SOX5: variants seen among roughly 807,000 people sequenced by gnomAD.
The protein encoded by SOX5 is transcription factor SOX-5.
Under a neutral mutation model 92.0 loss-of-function variants are expected in SOX5, and 9 were observed. The ratio of observed to expected loss-of-function variants is 0.10; its 90% CI spans 0.06 to 0.17. The LOEUF is 0.17. Ranked by LOEUF, SOX5 falls within the 10% of genes least tolerant of loss-of-function variation. The pLI is 1.00. For missense variants in SOX5, 642 were observed against 944.5 expected (o/e 0.68, Z 4.20); for synonymous variants, 344 against 336.3 (o/e 1.02, Z -0.25).
intron 4 of SOX5, among the ~76,000 whole-genome samples, chr12:24,053,822 G>T (rs1015326048): frequency 1.3e-5 from 2 of 152,050 alleles, no homozygotes; most frequent in Admixed American, 6.5e-5. Context: ...GGCAAACTTT[G>T]TACTAGGTAC....
At position 24,005,184 on chromosome 12, in the gene SOX5, T is replaced by TAA. The variant is rs569552268; in HGVS notation, c.-1-109162_-1-109161dup. ...AGGTAGCACAGCTCTATAAACTTAC[T>TAA]AAAAAAAAAAAAATCACTGAATTGT... On this transcript the variant is annotated intron_variant, in intron 4 of 4. Coordinates refer to the SOX5 transcript ENST00000446891. Among the ~76,000 whole-genome samples, 704 of 140,248 alleles carry TAA rather than the reference T, an allele frequency of 5.0e-3. 7 individuals are homozygous for TAA. Among genetic ancestry groups the TAA allele is most frequent in the African/African-American group, 0.017 (672 of 38,472 alleles). 92.0% of individuals were successfully genotyped at this position (140,248 alleles called of 152,430 possible).
intron 4 of SOX5, among the ~76,000 whole-genome samples, chr12:24,159,052 G>A (rs1952488303): frequency 6.6e-6 from 1 of 151,908 alleles, no homozygotes; most frequent in African/African-American, 2.4e-5. Context: ...GGAGTGATAT[G>A]ATGTGTGTTG....
intron 4 of SOX5, among the ~76,000 whole-genome samples, chr12:23,983,522 A>G (rs994452926): frequency 1.3e-5 from 2 of 152,196 alleles, no homozygotes; most frequent in African/African-American, 4.8e-5. Context: ...CTGTAAAATT[A>G]GTGAGTGGTT....
chr12:23,887,915 A>G (rs61909997), intron 2 of SOX5, among the ~76,000 whole-genome samples: 9,814 of 79,554 alleles, frequency 0.12, 416 homozygotes, highest in East Asian at 0.24. Context: ...TCCAGTGTGT[A>G]TATGTGTGTG....
intron 4 of SOX5, among the ~76,000 whole-genome samples, chr12:24,095,985 G>T (rs550787514): frequency 6.6e-6 from 1 of 152,154 alleles, no homozygotes; most frequent in Non-Finnish European, 1.5e-5. Flanking sequence ...ACAGCAATAT[G>T]AAAATGGACT....
At chr12:23,947,883 C>A (rs1304343667) in intron 1 of SOX5, among the ~76,000 whole-genome samples, 2 of 151,960 alleles carry the variant, frequency 1.3e-5, no homozygotes, top group African/African-American at 4.8e-5. Context: ...ATGTAACTAC[C>A]TTTTTATAAG....
chr12:24,311,742 G>T (rs112685945), intron 2 of SOX5, among the ~76,000 whole-genome samples: 1 of 152,140 alleles, frequency 6.6e-6, no homozygotes, highest in African/African-American at 2.4e-5. Flanking sequence ...AGCTGAAAAG[G>T]TTCCCATCAG....
chr12:24,276,835 A>C (rs567400831), intron 3 of SOX5, among the ~76,000 whole-genome samples: 6 of 152,184 alleles, frequency 3.9e-5, no homozygotes, highest in Non-Finnish European at 8.8e-5. Context: ...TATGTGACCT[A>C]TCCATTGCAA....
At chr12:24,132,285 C>G (rs1225466000) in intron 4 of SOX5, among the ~76,000 whole-genome samples, 1 of 152,138 alleles carries the variant, frequency 6.6e-6, no homozygotes, top group African/African-American at 2.4e-5. Context: ...CTGTGTGCAA[C>G]TGGTAAGTAA....
chr12:24,366,904 CAG>C (rs1052882058), intron 2 of SOX5, among the ~76,000 whole-genome samples: 4 of 149,492 alleles, frequency 2.7e-5, no homozygotes, highest in African/African-American at 9.9e-5. Flanking sequence ...GAGAAAAAGA[CAG>C]AGAGAAAGCA....
At chr12:24,031,381 A>T (rs1299207425) in intron 4 of SOX5, among the ~76,000 whole-genome samples, 1 of 151,820 alleles carries the variant, frequency 6.6e-6, no homozygotes, top group African/African-American at 2.4e-5. Flanking sequence ...CATTAAAAAA[A>T]GAAAATCCTA....
intron 2 of SOX5, among the ~76,000 whole-genome samples, chr12:24,333,335 A>C (rs1951538936): frequency 6.6e-6 from 1 of 152,056 alleles, no homozygotes; most frequent in African/African-American, 2.4e-5. Flanking sequence ...TCAATATGTA[A>C]AACAGATTAA....
chr12:24,137,353 C>T lies in SOX5; in HGVS notation c.-2+75990G>A, dbSNP rs538855564. ...GCTGAGCTGTGAAACTCTTTCTAGG[C>T]CAGGCAGGGTGGCTCAGGCCTGTAA... On this transcript the variant is annotated intron_variant, in intron 4 of 4. Coordinates refer to the SOX5 transcript ENST00000446891. Among the ~76,000 whole-genome samples the T allele has an allele frequency of 8.5e-5, 13 of 152,248 alleles. No homozygotes were observed. The East Asian group carries it at 2.3e-3, about 27-fold the overall frequency.
chr12:23,968,561 T>C (rs539359430), intron 4 of SOX5, among the ~76,000 whole-genome samples: 2 of 152,298 alleles, frequency 1.3e-5, no homozygotes, highest in East Asian at 3.9e-4. Flanking sequence ...CATTCTTCCA[T>C]CTACCCTGAG....
intron 4 of SOX5, among the ~76,000 whole-genome samples, chr12:24,200,013 G>A (rs988805574): frequency 1.3e-5 from 2 of 152,130 alleles, no homozygotes; most frequent in African/African-American, 4.8e-5. Flanking sequence ...GTTTTAAAGT[G>A]TAAAACTGGG....
intron 3 of SOX5, among the ~76,000 whole-genome samples, chr12:24,257,763 G>A (rs774092133): frequency 2.6e-5 from 4 of 151,506 alleles, no homozygotes; most frequent in Non-Finnish European, 4.4e-5. Context: ...CACCGTACCC[G>A]ACCAAAGCTC....
intron 4 of SOX5, among the ~76,000 whole-genome samples, chr12:24,194,414 T>TAGGC (rs1196847576): frequency 7.3e-6 from 1 of 137,046 alleles, no homozygotes; most frequent in African/African-American, 3.2e-5. Flanking sequence ...GATAGGTAGG[T>TAGGC]AGGTAGGTAG....
intron 8 of SOX5, among the ~76,000 whole-genome samples, chr12:23,608,115 G>GAAAAAAAAAAAAAAAAAA (rs772255622): frequency 2.3e-5 from 1 of 44,064 alleles, no homozygotes; most frequent in Non-Finnish European, 4.3e-5. Context: ...AAAGAAAAAA[G>GAAAAAAAAAAAAAAAAAA]AAAAAAAAAA....
intron 3 of SOX5, among the ~76,000 whole-genome samples, chr12:24,273,056 A>G (rs1165332689): frequency 1.3e-5 from 2 of 152,192 alleles, no homozygotes; most frequent in Non-Finnish European, 2.9e-5. Context: ...AACATAGTAA[A>G]ACCCCGTCTC....
Sources: allele counts gnomAD v4.1 joint callset (sites outside exome capture counted in the v4.1 genomes callset), GRCh38; gene constraint gnomAD v4.1.1; transcripts MANE v1.5; gene names NCBI Gene and HGNC (gene_info 2026-07-23, HGNC 2026-07-21).